MMEL1: variants seen among roughly 807,000 people sequenced by gnomAD.
MMEL1 encodes the protein membrane metallo-endopeptidase-like 1.
MMEL1 carries 98 observed loss-of-function variants against 117.1 expected under a neutral mutation model. The ratio of observed to expected loss-of-function variants is 0.84; its 90% CI spans 0.71 to 0.99. MMEL1 has a LOEUF of 0.99. MMEL1 is among the 50% of genes least tolerant of loss of function. The pLI is 0.00. For synonymous variants in MMEL1, 390 were observed against 415.1 expected (o/e 0.94, Z 0.74); for missense variants, 1,014 against 1,049.1 (o/e 0.97, Z 0.46).
chr1:2,632,414 C>T (rs778797913), intron 1 of MMEL1, among the ~76,000 whole-genome samples: 19 of 152,232 alleles, frequency 1.2e-4, no homozygotes, highest in Non-Finnish European at 2.2e-4. Flanking sequence ...ATCATTTGGA[C>T]AAGTCTGAGC....
At chr1:2,605,129 C>G (rs1337193699) in intron 9 of MMEL1, among the ~76,000 whole-genome samples, 1 of 152,178 alleles carries the variant, frequency 6.6e-6, no homozygotes, top group Non-Finnish European at 1.5e-5. Context: ...CTGGGCCTGC[C>G]AGCCTCAAGG....
intron 1 of MMEL1, chr1:2,630,082 C>T (rs1326865866): frequency 6.6e-6 from 1 of 152,486 alleles, no homozygotes; most frequent in Non-Finnish European, 1.5e-5. Context: ...CAGCTCTGGT[C>T]GTCCCCTGAC....
chr1:2,615,113 C>A (rs1645182068), intron 2 of MMEL1, among the ~76,000 whole-genome samples: 1 of 151,992 alleles, frequency 6.6e-6, no homozygotes, highest in Non-Finnish European at 1.5e-5. Context: ...CAGAAGAATG[C>A]CAAATACTTT....
At chr1:2,626,291 CT>C (rs1638276086) in intron 2 of MMEL1, among the ~76,000 whole-genome samples, 2 of 152,144 alleles carry the variant, frequency 1.3e-5, no homozygotes, top group Admixed American at 1.3e-4. Context: ...AACTGTGAGC[CT>C]GGGTGCTAGC....
intron 11 of MMEL1, among the ~76,000 whole-genome samples, chr1:2,600,324 T>G (rs959379620): frequency 7.2e-5 from 11 of 152,138 alleles, no homozygotes; most frequent in Non-Finnish European, 1.5e-4. Context: ...TCTACTATTA[T>G]GACATCAGCA....
Position 2,609,803 on chromosome 1 carries a change from C to T in MMEL1, c.321G>A (p.Pro107=), listed in dbSNP as rs150441473. Residue 107 remains proline (P), a synonymous_variant, in exon 5 of 24, where the codon CCG becomes CCA. Coordinates refer to ENST00000378412, the MANE Select transcript of MMEL1 (RefSeq NM_033467.4). ...AGAAGTCGTCACACGGTTCCGTGGT[C>T]GGGTCCATGTTCTGGAGGATCCTGG... ...AAARILQNMD[P]TTEPCDDFYQ... is the part of the protein sequence containing the mutation. The T allele has an allele frequency of 6.6e-5, 106 of 1,612,460 alleles. No individual in the cohort carries two copies. In the African/African-American group the frequency reaches 1.0e-3, roughly 15 times the overall value.
intron 14 of MMEL1, 151 bp from the exon 15 acceptor site, chr1:2,596,258 TG>T: frequency 2.6e-6 from 2 of 767,578 alleles, no homozygotes; most frequent in Non-Finnish European, 2.2e-6. Context: ...GTGGGGCCGG[TG>T]GGGGGATGAG....
chr1:2,594,122 C>G, intron 18 of MMEL1, 189 bp from the exon 19 acceptor site: 1 of 834,758 alleles, frequency 1.2e-6, no homozygotes, highest in South Asian at 1.8e-5. Context: ...GCCTGGCAGA[C>G]CCAGGACCTC....
intron 10 of MMEL1, 50 bp downstream of exon 10, chr1:2,604,097 G>A: frequency 6.4e-7 from 1 of 1,574,572 alleles, no homozygotes; most frequent in Non-Finnish European, 8.7e-7. Context: ...CACCGCCTGG[G>A]GCTCCCAGCC....
At chr1:2,631,732 C>T (rs1362250348) in intron 1 of MMEL1, among the ~76,000 whole-genome samples, 2 of 152,156 alleles carry the variant, frequency 1.3e-5, no homozygotes, top group African/African-American at 4.8e-5. Flanking sequence ...CCCTATCCCG[C>T]CACTGGCTGA....
chr1:2,593,041 C>T (rs909250113), intron 19 of MMEL1, 75 bp from the exon 20 acceptor site: 17 of 1,557,566 alleles, frequency 1.1e-5, no homozygotes, highest in Non-Finnish European at 1.5e-5. Flanking sequence ...GCCACTGTGC[C>T]TGGCCGCTCC....
At chr1:2,605,368 C>T (rs562119066) in intron 9 of MMEL1, among the ~76,000 whole-genome samples, 190 bp downstream of exon 9, 1 of 152,150 alleles carries the variant, frequency 6.6e-6, no homozygotes, top group Non-Finnish European at 1.5e-5. Context: ...GTTGAGGGAA[C>T]GTCCCCCAGG....
At chr1:2,606,197 C>T in intron 8 of MMEL1, 51 bp downstream of exon 8, 1 of 1,450,856 alleles carries the variant, frequency 6.9e-7, no homozygotes, top group South Asian at 1.1e-5. Context: ...CAAGAGCCCC[C>T]AGCCAGGCTT....
Position 2,606,292 on chromosome 1 carries a change from A to G in MMEL1, c.706T>C (p.Phe236Leu), listed in dbSNP as rs1163531307. The change falls in exon 8 of 24, where the codon TTC (phenylalanine) becomes CTC (leucine). Residue 236 changes from phenylalanine to leucine, a missense_variant. Transcript: ENST00000378412. ...GAGTTCTGGTCGTCGTTCCAGATGA[A>G]GAGGTCGATGAGGACGCGCCTGTTG... is the stretch of plus-strand genomic sequence containing the variant. ...QFNRRVLIDL[F>L]IWNDDQNSSR... 1 of 1,613,256 alleles carries G rather than the reference A, an allele frequency of 6.2e-7. No individual in the cohort carries two copies. Among genetic ancestry groups the G allele is most frequent in the South Asian group, 1.1e-5 (1 of 91,088 alleles).
At chr1:2,630,398 G>A (rs996143999) in intron 1 of MMEL1, among the ~76,000 whole-genome samples, 4 of 152,238 alleles carry the variant, frequency 2.6e-5, no homozygotes, top group African/African-American at 9.6e-5. Flanking sequence ...GTACACACAC[G>A]TGTGCACATG....
intron 6 of MMEL1, among the ~76,000 whole-genome samples, chr1:2,608,423 C>CCA (rs1452177646): frequency 6.6e-6 from 1 of 151,948 alleles, no homozygotes; most frequent in Non-Finnish European, 1.5e-5. Context: ...GCCCCCCACA[C>CCA]CACACACACA....
intron 1 of MMEL1, among the ~76,000 whole-genome samples, chr1:2,630,737 G>A (rs1414399978): frequency 1.4e-4 from 21 of 149,384 alleles, no homozygotes; most frequent in Admixed American, 9.3e-4. Context: ...GCACGTGTGC[G>A]TGTGCTCTCA....
rs868727558 is a variant in MMEL1, at chr1:2,629,827, C to G, written c.-37-306G>C. 25 of 210,662 alleles carry G rather than the reference C, an allele frequency of 1.2e-4. No homozygotes were observed. The East Asian group carries it at 1.4e-3, about 12-fold the overall frequency. 13.0% of individuals were successfully genotyped at this position (210,662 alleles called of 1,614,324 possible). ...AGGGACTCCTGTAGTGGAGCCCCCC[C>G]CCTGGGCTGCTCATGCTGGTTGTCT... On this transcript the variant is annotated intron_variant, in intron 1 of 23. Transcript: ENST00000378412.
Position 2,603,866 on chromosome 1 carries a change from T to C in MMEL1, c.1041+18A>G. On this transcript the variant is annotated intron_variant, in intron 11 of 23. Transcript: ENST00000378412. ...CTCCACCCGGCCAGTGCCGGCCTCC[T>C]GTGTGGTGTGGCCTCACCTTCAGGC... is the stretch of plus-strand genomic sequence containing the variant. 1.2e-6 allele frequency: 2 copies of C among 1,611,958 alleles called. No individual in the cohort carries two copies. The highest frequency in any genetic ancestry group is 1.7e-6 in the Non-Finnish European group (2 of 1,178,884).
Sources: gnomAD v4.1 joint callset for allele counts (sites outside exome capture counted in the v4.1 genomes callset) on GRCh38, gnomAD v4.1.1 for gene constraint, MANE v1.5 for transcripts, NCBI Gene and HGNC (gene_info 2026-07-23, HGNC 2026-07-21) for gene names.